The following CHRNA7 variants were observed in gnomAD, a reference collection of about 807,000 sequenced individuals.
The protein encoded by CHRNA7 is cholinergic receptor nicotinic alpha 7 subunit, also known as neuronal acetylcholine receptor subunit alpha-7.
Under a neutral mutation model 48.0 loss-of-function variants are expected in CHRNA7, and 17 were observed. The ratio of observed to expected loss-of-function variants is 0.35; its 90% CI spans 0.24 to 0.53. The LOEUF is 0.53. CHRNA7 is among the 20% of genes least tolerant of loss of function. CHRNA7 has a pLI of 0.92. For synonymous variants in CHRNA7, 75 were observed against 242.3 expected (o/e 0.31, Z 6.41); for missense variants, 155 against 577.7 (o/e 0.27, Z 7.50).
At chr15:32,048,247 A>T (rs1322511638) in intron 2 of CHRNA7, among the ~76,000 whole-genome samples, 1 of 152,172 alleles carries the variant, frequency 6.6e-6, no homozygotes, top group Non-Finnish European at 1.5e-5. Context: ...AAGGAACGGT[A>T]CCAGTTCCTC....
intron 2 of CHRNA7, among the ~76,000 whole-genome samples, chr15:32,052,002 A>C (rs951226549): frequency 6.6e-6 from 1 of 152,116 alleles, no homozygotes; most frequent in Non-Finnish European, 1.5e-5. Flanking sequence ...CTTGAGCTCA[A>C]AATTTTCCAC....
chr15:32,046,472 G>C lies in CHRNA7; in HGVS notation c.195+15435G>C, dbSNP rs915712481. 1.9e-3 allele frequency among the ~76,000 whole-genome samples: 281 copies of C among 149,320 alleles called. 2 individuals carry two copies. Among genetic ancestry groups the C allele is most frequent in the African/African-American group, 6.5e-3 (260 of 39,746 alleles). The stretch of plus-strand genomic sequence containing the variant: ...TTTGGCTGCATAAATGTCTTCTTTT[G>C]AGAAGTTTCTGTTCATATCCTTTGC... On this transcript the variant is annotated intron_variant, in intron 2 of 9. Transcript: ENST00000306901.
At chr15:32,135,029 C>G (rs1010212929) in intron 4 of CHRNA7, among the ~76,000 whole-genome samples, 1 of 152,186 alleles carries the variant, frequency 6.6e-6, no homozygotes, top group African/African-American at 2.4e-5. Context: ...ATATTAACAA[C>G]CTTCTGAGGA....
At chr15:32,122,646 A>G (rs1448678492) in intron 4 of CHRNA7, among the ~76,000 whole-genome samples, 2 of 151,930 alleles carry the variant, frequency 1.3e-5, no homozygotes, top group Non-Finnish European at 2.9e-5. Flanking sequence ...TGTGTATGCT[A>G]TGAGGTAAGG....
intron 4 of CHRNA7, among the ~76,000 whole-genome samples, chr15:32,151,125 C>A (rs2051619900): frequency 6.6e-6 from 1 of 151,722 alleles, no homozygotes; most frequent in Non-Finnish European, 1.5e-5. Context: ...TACTTTTTTC[C>A]TAGAGTTTCT....
intron 2 of CHRNA7, among the ~76,000 whole-genome samples, chr15:32,077,260 T>G (rs769687939): frequency 3.9e-5 from 6 of 152,162 alleles, no homozygotes; most frequent in Non-Finnish European, 7.4e-5. Context: ...TATAAACATC[T>G]GTGTATAGGT....
At chr15:32,106,364 AT>A (rs1480368723) in intron 3 of CHRNA7, among the ~76,000 whole-genome samples, 4 of 152,224 alleles carry the variant, frequency 2.6e-5, no homozygotes, top group African/African-American at 9.7e-5. Context: ...TTTATTAAAA[AT>A]GGAAAAGGCA....
chr15:32,036,067 T>C (rs1366304490), intron 2 of CHRNA7, among the ~76,000 whole-genome samples: 3 of 152,202 alleles, frequency 2.0e-5, no homozygotes, highest in African/African-American at 7.2e-5. Context: ...TCCTGAAATT[T>C]CTTTGTGCTC....
At chr15:32,069,473 C>A (rs536180524) in intron 2 of CHRNA7, among the ~76,000 whole-genome samples, 43 of 151,822 alleles carry the variant, frequency 2.8e-4, no homozygotes, top group African/African-American at 1.0e-3. Flanking sequence ...CATCAAGACC[C>A]AATTGCTACA....
intron 4 of CHRNA7, among the ~76,000 whole-genome samples, chr15:32,116,110 A>G (rs1341338766): frequency 3.3e-5 from 5 of 152,168 alleles, no homozygotes; most frequent in Non-Finnish European, 5.9e-5. Context: ...TTAGTTCATT[A>G]TGGTCTGAAT....
chr15:32,113,906 T>C (rs1407174673), intron 4 of CHRNA7, among the ~76,000 whole-genome samples: 1 of 151,142 alleles, frequency 6.6e-6, no homozygotes, highest in Admixed American at 6.6e-5. Context: ...GACCTGCACC[T>C]GTAGTGCCAG....
intron 2 of CHRNA7, among the ~76,000 whole-genome samples, chr15:32,050,697 C>G (rs1437405209): frequency 2.0e-5 from 3 of 152,204 alleles, no homozygotes; most frequent in Non-Finnish European, 4.4e-5. Context: ...GAGGAACTGC[C>G]TTCCTTTGTA....
intron 3 of CHRNA7, among the ~76,000 whole-genome samples, chr15:32,110,978 T>C (rs1354618360): frequency 2.0e-5 from 3 of 152,086 alleles, no homozygotes; most frequent in Non-Finnish European, 2.9e-5. Flanking sequence ...CTCATACTTG[T>C]CAGCCCTGAG....
At chr15:32,146,063 A>ATACAACTCCTAG (rs1210378097) in intron 4 of CHRNA7, among the ~76,000 whole-genome samples, 1 of 152,238 alleles carries the variant, frequency 6.6e-6, no homozygotes, top group Non-Finnish European at 1.5e-5. Flanking sequence ...ACTCCTATGT[A>ATACAACTCCTAG]TAAGTCTTAA....
chr15:32,049,243 G>C (rs866995331), intron 2 of CHRNA7, among the ~76,000 whole-genome samples: 13 of 151,976 alleles, frequency 8.6e-5, no homozygotes, highest in African/African-American at 2.9e-4. Flanking sequence ...GTTGACAGTG[G>C]GGTGTTAAAG....
chr15:32,147,576 T>A (rs975700443), intron 4 of CHRNA7, among the ~76,000 whole-genome samples: 5 of 152,010 alleles, frequency 3.3e-5, no homozygotes, highest in African/African-American at 1.2e-4. Flanking sequence ...AAACAAATAA[T>A]ATAAATAAGT....
At chr15:32,036,376 AG>A (rs2141163365) in intron 2 of CHRNA7, among the ~76,000 whole-genome samples, 1 of 152,356 alleles carries the variant, frequency 6.6e-6, no homozygotes, top group Admixed American at 6.5e-5. Context: ...GGCAATTATG[AG>A]TAAAGCTGCT....
chr15:32,034,429 A>T (rs1901988764), intron 2 of CHRNA7, among the ~76,000 whole-genome samples: 1 of 152,148 alleles, frequency 6.6e-6, no homozygotes, highest in Non-Finnish European at 1.5e-5. Flanking sequence ...AGTTTTATAG[A>T]CCCTTTTGTA....
intron 4 of CHRNA7, among the ~76,000 whole-genome samples, chr15:32,150,949 G>T (rs575202119): frequency 2.2e-4 from 34 of 152,118 alleles, no homozygotes; most frequent in South Asian, 6.2e-4. Flanking sequence ...GGAAGTAAGG[G>T]GGGGGGATGT....
Sources: allele counts gnomAD v4.1 joint callset (sites outside exome capture counted in the v4.1 genomes callset), GRCh38; gene constraint gnomAD v4.1.1; transcripts MANE v1.5; gene names NCBI Gene and HGNC (gene_info 2026-07-23, HGNC 2026-07-21).